The following VPS35L variants were observed in gnomAD, a reference collection of about 807,000 sequenced individuals.
VPS35L encodes VPS35 endosomal protein sorting factor like, also known as VPS35 endosomal protein-sorting factor-like.
VPS35L carries 83 observed loss-of-function variants against 133.0 expected under a neutral mutation model. The ratio of observed to expected loss-of-function variants is 0.62; its 90% CI spans 0.52 to 0.75. The LOEUF is 0.75. Ranked by LOEUF, VPS35L falls within the 30% of genes least tolerant of loss-of-function variation. VPS35L has a pLI of 0.00. For synonymous variants in VPS35L, 423 were observed against 449.9 expected (o/e 0.94, Z 0.76); for missense variants, 1,083 against 1,206.8 (o/e 0.90, Z 1.52).
intron 29 of VPS35L, among the ~76,000 whole-genome samples, chr16:19,695,346 A>C (rs1025663294): frequency 1.3e-5 from 2 of 152,270 alleles, no homozygotes; most frequent in African/African-American, 4.8e-5. Context: ...GAACCATATA[A>C]TTTGGAGCTA....
At chr16:19,656,983 T>C (rs1159447994) in intron 26 of VPS35L, among the ~76,000 whole-genome samples, 1 of 143,384 alleles carries the variant, frequency 7.0e-6, no homozygotes, top group African/African-American at 2.9e-5. Flanking sequence ...TTTTTTTTTT[T>C]GAGGCAGAGT....
intron 14 of VPS35L, among the ~76,000 whole-genome samples, chr16:19,625,506 C>T (rs1292602931): frequency 2.0e-5 from 3 of 152,026 alleles, no homozygotes; most frequent in Admixed American, 6.6e-5. Context: ...TCCCATCATC[C>T]TGTAGTGACC....
At chr16:19,616,388 A>T (rs557503012) in intron 13 of VPS35L, among the ~76,000 whole-genome samples, 197 bp downstream of exon 13, 6 of 152,270 alleles carry the variant, frequency 3.9e-5, no homozygotes, top group East Asian at 1.9e-4. Flanking sequence ...GTTAATATGC[A>T]TGTGTTAACA....
chr16:19,558,868 A>G lies in VPS35L; in HGVS notation c.17+3122A>G, dbSNP rs565581741. On this transcript the variant is annotated intron_variant, in intron 1 of 30. Coordinates refer to ENST00000417362, the MANE Select transcript of VPS35L (RefSeq NM_020314.7). ...AACCCAGGAGGCAGAGGTTGCAGTG[A>G]GCTGAGATCGCGCCACTGCACTCCA... 2.7e-5 allele frequency among the ~76,000 whole-genome samples: 4 copies of G among 150,474 alleles called. No individual in the cohort carries two copies. In the South Asian group the frequency reaches 6.4e-4, roughly 24 times the overall value.
At chr16:19,677,841 TG>T (rs1439466053) in intron 27 of VPS35L, among the ~76,000 whole-genome samples, 1 of 152,224 alleles carries the variant, frequency 6.6e-6, no homozygotes, top group African/African-American at 2.4e-5. Flanking sequence ...CGAGCTCACC[TG>T]TGTTCTGGTT....
chr16:19,599,288 A>G (rs983388784), intron 8 of VPS35L, among the ~76,000 whole-genome samples: 2 of 152,190 alleles, frequency 1.3e-5, no homozygotes, highest in South Asian at 2.1e-4. Flanking sequence ...CTGAGGATGG[A>G]CACAGACATC....
Position 19,626,181 on chromosome 16 carries a change from T to C in VPS35L, c.1229T>C (p.Leu410Pro). Reference sequence around the variant, plus strand: ...TTATTATTTTTAACATAATAGGCTCTGCTGACCGAGATGATGGAAAGGTGT... The same window carrying C: ...TTATTATTTTTAACATAATAGGCTCCGCTGACCGAGATGATGGAAAGGTGT... Reference protein sequence around the residue: ...QCISYHAPEALLTEMMERCKK... With the variant: ...QCISYHAPEAPLTEMMERCKK... The change falls in exon 15 of 31, where the codon CTG becomes CCG. Residue 410 changes from leucine to proline, a missense_variant. Coordinates refer to ENST00000417362, the MANE Select transcript of VPS35L (RefSeq NM_020314.7). The C allele has an allele frequency of 6.3e-7, 1 of 1,593,458 alleles. No individual in the cohort carries two copies. Among genetic ancestry groups the C allele is most frequent in the Non-Finnish European group, 8.6e-7 (1 of 1,166,286 alleles).
At chr16:19,586,592 G>A (rs1288771269) in intron 7 of VPS35L, among the ~76,000 whole-genome samples, 3 of 151,982 alleles carry the variant, frequency 2.0e-5, no homozygotes, top group South Asian at 4.1e-4. Flanking sequence ...CACCTGCCTC[G>A]GCCTCCCAAA....
At chr16:19,571,123 G>A (rs1218724063) in intron 3 of VPS35L, among the ~76,000 whole-genome samples, 3 of 151,482 alleles carry the variant, frequency 2.0e-5, no homozygotes, top group South Asian at 2.1e-4. Context: ...CACCCACCTC[G>A]GCCTCCCAAA....
At chr16:19,651,153 A>G (rs1415494307) in intron 25 of VPS35L, among the ~76,000 whole-genome samples, 1 of 152,138 alleles carries the variant, frequency 6.6e-6, no homozygotes, top group Non-Finnish European at 1.5e-5. Context: ...AAGTGCTGGG[A>G]TTACAGGCGT....
chr16:19,615,622 C>G lies in VPS35L; in HGVS notation c.1024-492C>G, dbSNP rs184114411. ...CCAAGATCGTGCCACTGCACTCCAC[C>G]CTGGGCAACAGAGCGAGACTCTGTC... On this transcript the variant is annotated intron_variant, in intron 12 of 30. Transcript: ENST00000417362. Among the ~76,000 whole-genome samples the G allele has an allele frequency of 8.7e-3, 1,309 of 150,278 alleles. 7 individuals are homozygous for G. The highest frequency in any genetic ancestry group is 0.015 in the South Asian group (71 of 4,764).
chr16:19,557,643 A>G (rs924376735), intron 1 of VPS35L, among the ~76,000 whole-genome samples: 4 of 152,016 alleles, frequency 2.6e-5, no homozygotes, highest in Non-Finnish European at 5.9e-5. Context: ...TCGGGTTCCC[A>G]AAGTGCTGGG....
intron 10 of VPS35L, 175 bp downstream of exon 10, chr16:19,608,449 C>T: frequency 1.8e-6 from 1 of 557,808 alleles, no homozygotes; most frequent in Non-Finnish European, 3.1e-6. Context: ...AACCCTTGGA[C>T]TCTTGCTCTT....
intron 28 of VPS35L, among the ~76,000 whole-genome samples, chr16:19,691,052 GT>G (rs1975658803): frequency 6.6e-6 from 1 of 152,154 alleles, no homozygotes; most frequent in African/African-American, 2.4e-5. Flanking sequence ...CCCTAGCCCA[GT>G]GCCTGGCAGC....
intron 1 of VPS35L, among the ~76,000 whole-genome samples, chr16:19,557,940 A>G (rs765679929): frequency 5.9e-5 from 9 of 152,076 alleles, no homozygotes; most frequent in Non-Finnish European, 1.2e-4. Context: ...AATCCCAGCT[A>G]CTTAGGAGGC....
chr16:19,595,884 G>A lies in VPS35L; in HGVS notation c.724+4010G>A, dbSNP rs187269655. ...GTCCCGGCCAGGCGCAGTGGTTCAT[G>A]CCTGTAATCCCAGCACTTTGGGAGA... On this transcript the variant is annotated intron_variant, in intron 8 of 30. Coordinates refer to ENST00000417362, the MANE Select transcript of VPS35L (RefSeq NM_020314.7). Among the ~76,000 whole-genome samples, 367 of 152,308 alleles carry A rather than the reference G, an allele frequency of 2.4e-3. 1 individual carries two copies. The highest frequency in any genetic ancestry group is 8.3e-3 in the African/African-American group (344 of 41,568).
intron 8 of VPS35L, among the ~76,000 whole-genome samples, chr16:19,596,538 G>A (rs1041002714): frequency 6.6e-6 from 1 of 150,858 alleles, no homozygotes; most frequent in Non-Finnish European, 1.5e-5. Flanking sequence ...GCCTCCCAAA[G>A]TGCTGGGATT....
chr16:19,565,672 G>T (rs1197970422), intron 2 of VPS35L, among the ~76,000 whole-genome samples: 3 of 152,132 alleles, frequency 2.0e-5, no homozygotes, highest in Admixed American at 6.5e-5. Flanking sequence ...AAATCAACCA[G>T]TTTGTTCACT....
At chr16:19,593,136 T>C (rs1257470238) in intron 8 of VPS35L, among the ~76,000 whole-genome samples, 1 of 152,146 alleles carries the variant, frequency 6.6e-6, no homozygotes, top group African/African-American at 2.4e-5. Flanking sequence ...GAGAATAACC[T>C]GGAGGAGCAG....
Sources: gnomAD v4.1 joint callset for allele counts (sites outside exome capture counted in the v4.1 genomes callset) on GRCh38, gnomAD v4.1.1 for gene constraint, MANE v1.5 for transcripts, NCBI Gene and HGNC (gene_info 2026-07-23, HGNC 2026-07-21) for gene names.